The following PCM1 variants were observed in gnomAD, a reference collection of about 807,000 sequenced individuals.
PCM1 encodes the protein pericentriolar material 1 protein.
Under a neutral mutation model 241.9 loss-of-function variants are expected in PCM1, and 157 were observed. The ratio of observed to expected loss-of-function variants is 0.65; its 90% confidence interval spans 0.57 to 0.74. PCM1 has a LOEUF of 0.74. Among genes scored for constraint, PCM1 ranks in the 30% least tolerant of loss-of-function variants. The pLI is 0.00. For missense variants in PCM1, 3,478 were observed against 2,360.1 expected (o/e 1.47, Z -9.81); for synonymous variants, 1,085 against 784.9 (o/e 1.38, Z -6.39).
At chr8:17,942,625 G>T (rs569487696) in intron 6 of PCM1, among the ~76,000 whole-genome samples, 1 of 151,868 alleles carries the variant, frequency 6.6e-6, no homozygotes, top group Admixed American at 6.6e-5. Context: ...TGTTTAATTG[G>T]TTTTTTAATT....
At chr8:17,978,374 C>G (rs1403497125) in intron 23 of PCM1, among the ~76,000 whole-genome samples, 1 of 152,054 alleles carries the variant, frequency 6.6e-6, no homozygotes, top group African/African-American at 2.4e-5. Flanking sequence ...TGGCTGTTGT[C>G]TAGCCAGGAG....
In PCM1 at chr8:17,972,594, G is replaced by A. The variant is rs2077208391; in HGVS notation, c.3850G>A (p.Ala1284Thr). ...AACATTCAAGACAAGAAAAGCGTCT[G>A]CACAGGCCAGCCTGGCATCTAAAGA... The part of the protein sequence containing the change: ...TKTFKTRKAS[A>T]QASLASKDKT... Residue 1284 changes from alanine (A) to threonine (T), a missense_variant, in exon 23 of 39, where the codon GCA becomes ACA. Physicochemically the swap from Ala to Thr is moderately conservative, Grantham distance 58. Coordinates refer to ENST00000325083, the MANE Select transcript of PCM1 (RefSeq NM_006197.4). 1 of 1,610,542 alleles carries A rather than the reference G, an allele frequency of 6.2e-7. No homozygotes were observed. The highest frequency in any genetic ancestry group is 2.2e-5 in the East Asian group (1 of 44,844).
At chr8:18,012,402 C>A (rs1018180016) in intron 34 of PCM1, among the ~76,000 whole-genome samples, 2 of 152,046 alleles carry the variant, frequency 1.3e-5, no homozygotes, top group Non-Finnish European at 2.9e-5. Flanking sequence ...ATTAATTATT[C>A]TATTATTAGT....
chr8:17,989,954 T>G lies in PCM1; in HGVS notation c.4506T>G (p.Phe1502Leu), dbSNP rs369502006. Residue 1502 changes from phenylalanine to leucine, a missense_variant, in exon 27 of 39, where the codon TTT (phenylalanine) becomes TTG (leucine). Coordinates refer to ENST00000325083, the MANE Select transcript of PCM1 (RefSeq NM_006197.4). ...NASVLSVSSNFEPFATDDLGN... is the reference protein window; with the variant it reads ...NASVLSVSSNLEPFATDDLGN... ...GTGTCCTGTCTGTATCATCAAATTT[T>G]GAGCCTTTTGCAACAGATGATCTAG... The G allele has an allele frequency of 9.8e-6, 15 of 1,537,696 alleles. No individual in the cohort carries two copies. The highest frequency in any genetic ancestry group is 1.3e-5 in the Non-Finnish European group (15 of 1,140,440).
In PCM1 at chr8:18,009,595, G is replaced by T. The variant is rs779571604; in HGVS notation, c.5011G>T (p.Asp1671Tyr). 1 of 1,603,200 alleles carries T rather than the reference G, an allele frequency of 6.2e-7. No homozygotes were observed. The highest frequency in any genetic ancestry group is 1.7e-5 in the Admixed American group (1 of 58,552). ...AGRKLKDCGE[D>Y]LLVEISEVLF... ...CAGAAAACTGAAAGACTGTGGAGAA[G>T]ATCTTCTTGTAGAGATATCTGAAGT... is the stretch of plus-strand genomic sequence containing the variant. The change falls in exon 31 of 39, where the codon GAT becomes TAT. Residue 1671 changes from aspartate to tyrosine, a missense_variant. Transcript: ENST00000325083.
chr8:17,951,186 G>A (rs1488313428), intron 8 of PCM1, among the ~76,000 whole-genome samples: 1 of 152,168 alleles, frequency 6.6e-6, no homozygotes, highest in African/African-American at 2.4e-5. Flanking sequence ...TTGAGAGTTA[G>A]CAAGTGTTAT....
chr8:18,003,944 T>C (rs1239231802), intron 29 of PCM1, among the ~76,000 whole-genome samples: 2 of 152,146 alleles, frequency 1.3e-5, no homozygotes, highest in African/African-American at 4.8e-5. Flanking sequence ...ATACTTTTAT[T>C]TTAGCATTAA....
chr8:17,960,187 C>G (rs2071003710), intron 14 of PCM1, 22 bp downstream of exon 14: 9 of 1,547,024 alleles, frequency 5.8e-6, no homozygotes, highest in Non-Finnish European at 7.8e-6. Flanking sequence ...TTTTGGCCTT[C>G]ATTTAATATA....
intron 30 of PCM1, among the ~76,000 whole-genome samples, chr8:18,008,162 C>A (rs1026544343): frequency 4.6e-5 from 7 of 152,136 alleles, no homozygotes; most frequent in Admixed American, 2.6e-4. Flanking sequence ...AGCAAAGCTT[C>A]ATCTGTATTT....
At chr8:18,026,482 A>G (rs1173427685) in intron 38 of PCM1, among the ~76,000 whole-genome samples, 2 of 151,278 alleles carry the variant, frequency 1.3e-5, no homozygotes, top group Admixed American at 6.6e-5. Context: ...GATGGTCTCG[A>G]TCTCCTGACC....
At chr8:17,941,601 C>G (rs1338145592) in intron 6 of PCM1, among the ~76,000 whole-genome samples, 2 of 150,918 alleles carry the variant, frequency 1.3e-5, no homozygotes, top group East Asian at 3.9e-4. Context: ...ATATGTTAAA[C>G]AGGAGTTTGT....
chr8:17,966,591 C>G, intron 20 of PCM1, 118 bp downstream of exon 20: 1 of 797,758 alleles, frequency 1.3e-6, no homozygotes, highest in Non-Finnish European at 1.9e-6. Context: ...CATTCTCTTT[C>G]CCTTGAGAAT....
chr8:17,954,645 TGTG>T (rs1464141160), intron 9 of PCM1, among the ~76,000 whole-genome samples: 3 of 152,084 alleles, frequency 2.0e-5, no homozygotes, highest in Non-Finnish European at 4.4e-5. Context: ...CTACAGGAAT[TGTG>T]GTACTAAAGT....
intron 17 of PCM1, among the ~76,000 whole-genome samples, chr8:17,963,847 C>G (rs974361578): frequency 1.3e-5 from 2 of 152,124 alleles, no homozygotes; most frequent in Non-Finnish European, 2.9e-5. Context: ...ATGACCTTCC[C>G]TTTTGATATC....
intron 38 of PCM1, among the ~76,000 whole-genome samples, chr8:18,026,163 CTGAAACAAAAAAAAAAAAA>C (rs1355215929): frequency 3.9e-4 from 21 of 53,676 alleles, no homozygotes; most frequent in South Asian, 3.7e-3. Flanking sequence ...GACTCCCTCT[CTGAAACAAAAAAAAAAAAA>C]AAAAAAAAAA....
At position 17,938,877 on chromosome 8, in the gene PCM1, C is replaced by G. The variant is rs753312364; in HGVS notation, c.480C>G (p.Pro160=). Residue 160 remains proline (P), a synonymous_variant, in exon 5 of 39, where the codon CCC becomes CCG. Transcript: ENST00000325083. ...AGAGCAAAGATGCATCTACAAACCC[C>G]CCAAACAGAGAAACGATTGGATCAG... ...TNKSKDASTN[P]PNRETIGSAQ... is the part of the protein sequence containing the mutation. 1 of 1,613,610 alleles carries G rather than the reference C, an allele frequency of 6.2e-7. No homozygotes were observed. The highest frequency in any genetic ancestry group is 1.3e-5 in the African/African-American group (1 of 74,924).
At chr8:17,992,114 A>G (rs1441676641) in intron 28 of PCM1, among the ~76,000 whole-genome samples, 4 of 152,222 alleles carry the variant, frequency 2.6e-5, no homozygotes, top group Admixed American at 2.0e-4. Flanking sequence ...ACATATATAC[A>G]TATACCACAT....
chr8:17,997,286 T>C (rs2087221035), intron 29 of PCM1, among the ~76,000 whole-genome samples: 1 of 152,166 alleles, frequency 6.6e-6, no homozygotes, highest in South Asian at 2.1e-4. Flanking sequence ...TATATGTTAT[T>C]TGTTTCTTTT....
Position 18,014,691 on chromosome 8 carries a change from A to G in PCM1, c.5692A>G (p.Thr1898Ala), listed in dbSNP as rs746516116. 13 of 1,613,568 alleles carry G rather than the reference A, an allele frequency of 8.1e-6. 1 individual carries two copies. The African/African-American group carries it at 1.1e-4, about 13-fold the overall frequency. The change falls in exon 36 of 39, where the codon ACT becomes GCT. Residue 1898 changes from threonine to alanine, a missense_variant. Transcript: ENST00000325083. ...GGAGTCACCTCCTACTGTTGATTCA[A>G]CTCAACAGCCTAACCCTTTGCCGTT... ...HKESPPTVDS[T>A]QQPNPLPLRL... is the part of the protein sequence containing the mutation.
Sources: gnomAD v4.1 joint callset for allele counts (sites outside exome capture counted in the v4.1 genomes callset) on GRCh38, gnomAD v4.1.1 for gene constraint, MANE v1.5 for transcripts, NCBI Gene and HGNC (gene_info 2026-07-23, HGNC 2026-07-21) for gene names.